Variants in DPYD observed in about 807,000 individuals in gnomAD.
DPYD encodes the protein dihydropyrimidine dehydrogenase [NADP(+)].
A neutral mutation model predicts 116.2 loss-of-function variants in DPYD; 109 were observed. The ratio of observed to expected loss-of-function variants is 0.94; its 90% CI spans 0.80 to 1.10. The LOEUF (loss-of-function observed/expected upper bound fraction) is 1.10. DPYD is among the 50% of genes least tolerant of loss of function. The probability of loss-of-function intolerance (pLI) is 0.00; values close to 1 mark genes in which losing one functional copy is unlikely to be tolerated. For missense variants in DPYD, 1,302 were observed against 1,254.5 expected, an observed-to-expected ratio of 1.04 and a Z score of -0.57; for synonymous variants, 440 against 432.0, an observed-to-expected ratio of 1.02 and a Z score of -0.23.
At chr1:97,444,710 T>C (rs1396409312) in intron 14 of DPYD, among the ~76,000 whole-genome samples, 1 of 152,204 alleles carries the variant, frequency 6.6e-6, no homozygotes, top group Non-Finnish European at 1.5e-5. Context: ...ATAAGTATCT[T>C]TTTTAAAGCT....
At chr1:97,571,079 A>C (rs1422586812) in intron 11 of DPYD, among the ~76,000 whole-genome samples, 1 of 152,048 alleles carries the variant, frequency 6.6e-6, no homozygotes, top group Admixed American at 6.6e-5. Context: ...GAATGAATGC[A>C]CGTATGAATG....
chr1:97,719,947 G>A, intron 5 of DPYD: 3 of 984,896 alleles, frequency 3.0e-6, no homozygotes, highest in Non-Finnish European at 3.6e-6. Context: ...CAAGACCTAA[G>A]TGTGACCACT....
chr1:97,107,642 A>ATC (rs1278983380), intron 20 of DPYD, among the ~76,000 whole-genome samples: 1 of 152,126 alleles, frequency 6.6e-6, no homozygotes, highest in Non-Finnish European at 1.5e-5. Context: ...CAAAGAAGAT[A>ATC]AAGAATATCC....
At chr1:97,137,020 C>A (rs1653859338) in intron 20 of DPYD, among the ~76,000 whole-genome samples, 1 of 152,172 alleles carries the variant, frequency 6.6e-6, no homozygotes, top group Non-Finnish European at 1.5e-5. Context: ...AAGCTGACCA[C>A]CTATTAATTT....
chr1:97,762,127 C>T (rs1466227071), intron 3 of DPYD, among the ~76,000 whole-genome samples: 2 of 151,988 alleles, frequency 1.3e-5, no homozygotes, highest in Admixed American at 1.3e-4. Flanking sequence ...ACCTAAACAA[C>T]AAACCTGCAC....
intron 12 of DPYD, among the ~76,000 whole-genome samples, chr1:97,518,078 G>C (rs1272363954): frequency 6.6e-6 from 1 of 151,930 alleles, no homozygotes; most frequent in Non-Finnish European, 1.5e-5. Flanking sequence ...TACGAACATT[G>C]CTGCCTTAAT....
intron 19 of DPYD, among the ~76,000 whole-genome samples, chr1:97,225,491 A>T (rs942312688): frequency 1.3e-5 from 2 of 150,132 alleles, no homozygotes; most frequent in African/African-American, 4.9e-5. Context: ...CATAACTCTC[A>T]TTCATTTTTC....
chr1:97,395,160 TTATA>T (rs1292928125), intron 14 of DPYD, among the ~76,000 whole-genome samples: 1 of 150,166 alleles, frequency 6.7e-6, no homozygotes, highest in Admixed American at 6.7e-5. Context: ...ATGTATTTGT[TTATA>T]TATTTTATAT....
intron 18 of DPYD, among the ~76,000 whole-genome samples, chr1:97,263,003 G>T (rs561778906): frequency 6.6e-6 from 1 of 152,192 alleles, no homozygotes; most frequent in African/African-American, 2.4e-5. Flanking sequence ...TTGGGTTATA[G>T]TGTCAATGCA....
chr1:97,250,163 A>C (rs1283432114), intron 18 of DPYD, among the ~76,000 whole-genome samples: 1 of 152,046 alleles, frequency 6.6e-6, no homozygotes, highest in African/African-American at 2.4e-5. Flanking sequence ...CCAGCTACTC[A>C]GGAAGCTGAG....
chr1:97,304,901 G>A (rs1249300351), intron 18 of DPYD, among the ~76,000 whole-genome samples: 2 of 151,824 alleles, frequency 1.3e-5, no homozygotes, highest in African/African-American at 2.4e-5. Flanking sequence ...ATGAAAACTA[G>A]TCCAGACCAT....
rs1011981290 is a variant in DPYD, at chr1:97,784,829, A to G, written c.233+43285T>C. Among the ~76,000 whole-genome samples, 9 of 152,184 alleles carry G rather than the reference A, an allele frequency of 5.9e-5. No homozygotes were observed. The East Asian group carries it at 1.3e-3, about 23-fold the overall frequency. On this transcript the variant is annotated intron_variant, in intron 3 of 22. Coordinates refer to ENST00000370192, the MANE Select transcript of DPYD (RefSeq NM_000110.4). The stretch of plus-strand genomic sequence containing the variant: ...CAACTTCTTAAGGCCTCCATTTTTT[A>G]TACAGTTAAATAGACACTAACAAAG...
chr1:97,461,037 G>C (rs79386460), intron 13 of DPYD, among the ~76,000 whole-genome samples: 1 of 117,200 alleles, frequency 8.5e-6, no homozygotes, highest in African/African-American at 3.2e-5. Flanking sequence ...AACTCCATCT[G>C]AAAAAAAAAA....
At chr1:97,730,713 C>A (rs375329102) in intron 4 of DPYD, among the ~76,000 whole-genome samples, 1 of 151,826 alleles carries the variant, frequency 6.6e-6, no homozygotes, top group Non-Finnish European at 1.5e-5. Flanking sequence ...TTAAGTTTTT[C>A]ATTTCCAGTA....
intron 18 of DPYD, among the ~76,000 whole-genome samples, chr1:97,240,476 G>A (rs968307987): frequency 2.6e-5 from 4 of 151,882 alleles, no homozygotes; most frequent in African/African-American, 9.7e-5. Flanking sequence ...CTAGGACAGC[G>A]ACTGTTACAC....
At chr1:97,490,636 A>T (rs1570825869) in intron 13 of DPYD, among the ~76,000 whole-genome samples, 1 of 151,196 alleles carries the variant, frequency 6.6e-6, no homozygotes, top group Non-Finnish European at 1.5e-5. Flanking sequence ...TAGAAACACA[A>T]ATTGGTACAT....
intron 14 of DPYD, among the ~76,000 whole-genome samples, chr1:97,383,968 G>T (rs1445534598): frequency 6.6e-6 from 1 of 152,120 alleles, no homozygotes; most frequent in Non-Finnish European, 1.5e-5. Flanking sequence ...AATTAGCTGG[G>T]TGTGGTGCCC....
chr1:97,216,747 A>T (rs929979631), intron 19 of DPYD, among the ~76,000 whole-genome samples: 1 of 152,126 alleles, frequency 6.6e-6, no homozygotes, highest in Non-Finnish European at 1.5e-5. Context: ...GTGACTTGAG[A>T]TCACGCCACT....
intron 20 of DPYD, among the ~76,000 whole-genome samples, chr1:97,149,656 A>G (rs182677573): frequency 6.6e-6 from 1 of 152,328 alleles, no homozygotes; most frequent in African/African-American, 2.4e-5. Context: ...TGGGGACCCA[A>G]TGAAAAGTAA....
Sources: allele counts gnomAD v4.1 joint callset (sites outside exome capture counted in the v4.1 genomes callset), GRCh38; gene constraint gnomAD v4.1.1; transcripts MANE v1.5; gene names NCBI Gene and HGNC (gene_info 2026-07-23, HGNC 2026-07-21).